Variants in HM13 observed in about 807,000 individuals in gnomAD.
HM13 encodes the protein histocompatibility minor 13.
HM13 carries 18 observed loss-of-function variants against 50.0 expected under a neutral mutation model. The ratio of observed to expected loss-of-function variants is 0.36; its 90% CI spans 0.25 to 0.53. The LOEUF (loss-of-function observed/expected upper bound fraction) is 0.53, where lower values mean the gene tolerates loss of function less well. Among genes scored for constraint, HM13 ranks in the 20% least tolerant of loss-of-function variants. The probability of loss-of-function intolerance (pLI) is 0.90; values close to 1 mark genes in which losing one functional copy is unlikely to be tolerated. For missense variants in HM13, 393 were observed against 552.4 expected (o/e 0.71, Z 2.89); for synonymous variants, 197 against 232.6 (o/e 0.85, Z 1.39).
chr20:31,518,715 A>G (rs958110335), intron 1 of HM13, among the ~76,000 whole-genome samples: 5 of 152,052 alleles, frequency 3.3e-5, no homozygotes, highest in Non-Finnish European at 5.9e-5. Flanking sequence ...AAAGTTAACC[A>G]GACATGATGG....
At position 31,519,656 on chromosome 20, in the gene HM13, C is replaced by G. The variant is rs79076608; in HGVS notation, c.183+4922C>G. 7.2e-5 allele frequency among the ~76,000 whole-genome samples: 11 copies of G among 152,254 alleles called. No individual in the cohort carries two copies. The East Asian group carries it at 2.1e-3, about 29-fold the overall frequency. On this transcript the variant is annotated intron_variant, in intron 1 of 12. Coordinates refer to ENST00000398174, the MANE Select transcript of HM13 (RefSeq NM_178581.3). ...CCAGCAATGTGTGTTTTAACAAGCC[C>G]ACCTGGTGATTCTGATGCATGCTCA... is the stretch of plus-strand genomic sequence containing the variant.
At chr20:31,530,294 T>C (rs1037475855) in intron 2 of HM13, among the ~76,000 whole-genome samples, 1 of 152,186 alleles carries the variant, frequency 6.6e-6, no homozygotes, top group African/African-American at 2.4e-5. Flanking sequence ...CCTGTGATTC[T>C]GTCATGCATA....
intron 10 of HM13, among the ~76,000 whole-genome samples, chr20:31,563,575 C>G (rs1984738403): frequency 6.6e-6 from 1 of 152,140 alleles, no homozygotes; most frequent in Non-Finnish European, 1.5e-5. Context: ...CTGCCCACCT[C>G]AGCCTCCCAA....
At chr20:31,523,053 G>GGGGTT (rs1568779752) in intron 1 of HM13, among the ~76,000 whole-genome samples, 1 of 139,908 alleles carries the variant, frequency 7.1e-6, no homozygotes, top group African/African-American at 2.9e-5. Flanking sequence ...TGGGAGGGGG[G>GGGGTT]CTTTTTTTTT....
intron 11 of HM13, among the ~76,000 whole-genome samples, chr20:31,567,199 G>A (rs1256600649): frequency 1.3e-5 from 2 of 152,182 alleles, no homozygotes; most frequent in Non-Finnish European, 2.9e-5. Flanking sequence ...TGGGGGCTAG[G>A]GGTGAACTTG....
chr20:31,528,072 C>G (rs1463243607), intron 2 of HM13: 1 of 152,558 alleles, frequency 6.6e-6, no homozygotes, highest in South Asian at 2.1e-4. Flanking sequence ...CACTGTTTCT[C>G]CCTGTGCATG....
chr20:31,541,902 A>G (rs1286655562), intron 3 of HM13, among the ~76,000 whole-genome samples: 1 of 152,236 alleles, frequency 6.6e-6, no homozygotes, highest in Non-Finnish European at 1.5e-5. Flanking sequence ...CAGGATTCAC[A>G]GCTGGTAAGG....
At chr20:31,550,193 A>G in intron 7 of HM13, 72 bp downstream of exon 7, 1 of 1,078,874 alleles carries the variant, frequency 9.3e-7, no homozygotes, top group Non-Finnish European at 1.4e-6. Context: ...AGCCCGTTTC[A>G]GTCAGTGCAT....
chr20:31,527,962 A>C (rs1156829466), intron 2 of HM13: 1 of 157,660 alleles, frequency 6.3e-6, no homozygotes, highest in Non-Finnish European at 1.4e-5. Flanking sequence ...TCAGTGTTGA[A>C]AACCTGGAAA....
intron 1 of HM13, among the ~76,000 whole-genome samples, chr20:31,520,198 T>C (rs182545924): frequency 7.9e-5 from 12 of 152,244 alleles, no homozygotes; most frequent in African/African-American, 2.6e-4. Flanking sequence ...TGATCCACTA[T>C]AGAGGTTGTA....
intron 10 of HM13, among the ~76,000 whole-genome samples, chr20:31,565,066 T>C (rs1269167853): frequency 6.8e-6 from 1 of 146,092 alleles, no homozygotes; most frequent in Admixed American, 7.0e-5. Context: ...CTCCGGAGGC[T>C]AAGGCAGAAG....
At position 31,527,588 on chromosome 20, in the gene HM13, T is replaced by C. The variant is rs755557288; in HGVS notation, c.282+6T>C. On this transcript the variant is annotated splice_donor_region_variant and intron_variant, in intron 2 of 12. Coordinates refer to ENST00000398174, the MANE Select transcript of HM13 (RefSeq NM_178581.3). ...GGCTCTACCTCTTTTTCAAAGTAAG[T>C]CTTTTGCCACCTGTTGTGTCATTTG... The C allele has an allele frequency of 6.3e-7, 1 of 1,594,916 alleles. No individual in the cohort carries two copies. Among genetic ancestry groups the C allele is most frequent in the African/African-American group, 1.3e-5 (1 of 74,534 alleles).
At position 31,524,528 on chromosome 20, in the gene HM13, G is replaced by A. The variant is rs375442239; in HGVS notation, c.184-2956G>A. Reference sequence around the variant, plus strand: ...ACAGATTGACTCCCATAGGCAGTGTGGGAGACTACATCTTTCCCCGTAGCC... The same window carrying A: ...ACAGATTGACTCCCATAGGCAGTGTAGGAGACTACATCTTTCCCCGTAGCC... On this transcript the variant is annotated intron_variant, in intron 1 of 12. Coordinates refer to ENST00000398174, the MANE Select transcript of HM13 (RefSeq NM_178581.3). Among the ~76,000 whole-genome samples, 105 of 152,144 alleles carry A rather than the reference G, an allele frequency of 6.9e-4. 1 individual carries two copies. The highest frequency in any genetic ancestry group is 2.2e-3 in the African/African-American group (93 of 41,506).
rs780187781 is a variant in HM13 at position 31,568,168 on chromosome 20, C to T, written c.1125C>T (p.Ser375=). ...GCTCCCCAGCCAGCCTGGCCGACTC[C>T]ATGCAGCAGAAGCTAGCTGGCCCTC... The part of the protein sequence containing the change: ...VSGSPASLAD[S]MQQKLAGPRR... The change falls in exon 12 of 13, where the codon TCC becomes TCT. Residue 375 remains serine, a synonymous_variant. Coordinates refer to ENST00000398174, the MANE Select transcript of HM13 (RefSeq NM_178581.3). 122 of 1,613,192 alleles carry T rather than the reference C, an allele frequency of 7.6e-5. No individual in the cohort carries two copies. The highest frequency in any genetic ancestry group is 1.0e-4 in the Non-Finnish European group (120 of 1,179,980).
chr20:31,529,280 C>CT (rs1481590873), intron 2 of HM13, among the ~76,000 whole-genome samples: 2 of 152,046 alleles, frequency 1.3e-5, no homozygotes, highest in Admixed American at 1.3e-4. Context: ...AGGTCTTGCT[C>CT]TGTCACCTAG....
intron 1 of HM13, among the ~76,000 whole-genome samples, chr20:31,519,567 A>T (rs1409415080): frequency 1.3e-5 from 2 of 152,146 alleles, no homozygotes; most frequent in Non-Finnish European, 2.9e-5. Flanking sequence ...CTGGGCCAGC[A>T]GTGTCAGCAT....
At chr20:31,550,250 C>T (rs1043964072) in intron 7 of HM13, 129 bp downstream of exon 7, 25 of 724,270 alleles carry the variant, frequency 3.5e-5, no homozygotes, top group Middle Eastern at 3.6e-4. Context: ...GGCTCCCCAG[C>T]CTGGTTTCCT....
intron 1 of HM13, among the ~76,000 whole-genome samples, chr20:31,523,036 T>G (rs1238273916): frequency 2.4e-5 from 3 of 124,526 alleles, no homozygotes; most frequent in African/African-American, 1.0e-4. Context: ...CTGTTTGGGG[T>G]TTTTTTTGGG....
chr20:31,564,428 T>G (rs1486791607), intron 10 of HM13, among the ~76,000 whole-genome samples: 1 of 151,970 alleles, frequency 6.6e-6, no homozygotes, highest in Non-Finnish European at 1.5e-5. Context: ...AATACAAAAA[T>G]TAGCCAGGCA....
Sources: allele counts gnomAD v4.1 joint callset (sites outside exome capture counted in the v4.1 genomes callset), GRCh38; gene constraint gnomAD v4.1.1; transcripts MANE v1.5; gene names NCBI Gene and HGNC (gene_info 2026-07-23, HGNC 2026-07-21).